Variants in ADGRG6 observed in about 807,000 individuals in gnomAD.
The protein encoded by ADGRG6 is adhesion G protein-coupled receptor G6.
ADGRG6 carries 84 observed loss-of-function variants against 142.4 expected under a neutral mutation model. The ratio of observed to expected loss-of-function variants is 0.59; its 90% CI spans 0.49 to 0.71. The LOEUF is 0.71. ADGRG6 is among the 30% of genes least tolerant of loss of function. The pLI is 0.00. For missense variants in ADGRG6, 1,367 were observed against 1,466.6 expected (o/e 0.93, Z 1.11); for synonymous variants, 521 against 520.5 (o/e 1.00, Z -0.01).
rs531052289 is a variant in ADGRG6, at chr6:142,354,384, AAAAC to A, written c.104-13165_104-13162del. Among the ~76,000 whole-genome samples the A allele has an allele frequency of 4.5e-4, 69 of 152,276 alleles. No homozygotes were observed. The South Asian group carries it at 5.0e-3, about 11-fold the overall frequency. ...GGTGACAGAGCGAGTCTCTATCTCA[AAAAC>A]AAACAAACAAACAAACAAAAAAACT... On this transcript the variant is annotated intron_variant, in intron 2 of 24. Transcript: ENST00000367609.
intron 7 of ADGRG6, among the ~76,000 whole-genome samples, chr6:142,391,476 CACAG>C (rs1231529125): frequency 1.4e-5 from 2 of 145,914 alleles, no homozygotes; most frequent in Non-Finnish European, 3.0e-5. Context: ...CACACACACA[CACAG>C]AGACATCTAT....
intron 22 of ADGRG6, among the ~76,000 whole-genome samples, chr6:142,422,756 G>T (rs1445106751): frequency 4.1e-3 from 601 of 148,218 alleles, no homozygotes; most frequent in African/African-American, 0.014. Flanking sequence ...TTCCACAGTG[G>T]TTGAACTAGT....
rs1426307136 is a variant in ADGRG6 at position 142,395,381 on chromosome 6, A to C, written c.1424+1423A>C. Among the ~76,000 whole-genome samples, 5 of 152,238 alleles carry C rather than the reference A, an allele frequency of 3.3e-5. No homozygotes were observed. The East Asian group carries it at 9.6e-4, about 29-fold the overall frequency. On this transcript the variant is annotated intron_variant, in intron 9 of 24. Transcript: ENST00000367609. The stretch of plus-strand genomic sequence containing the variant: ...AGCAATCAGGATCCCTTTGCTGGAC[A>C]CTTTGTGTAGCAACTGGGACAGCCC...
chr6:142,381,560 G>A (rs1255151449), intron 4 of ADGRG6, among the ~76,000 whole-genome samples: 4 of 152,124 alleles, frequency 2.6e-5, no homozygotes, highest in Admixed American at 6.5e-5. Flanking sequence ...CCAAAACTGC[G>A]TTTTATGGGT....
At chr6:142,331,309 A>G (rs889833903) in intron 2 of ADGRG6, among the ~76,000 whole-genome samples, 3 of 151,814 alleles carry the variant, frequency 2.0e-5, no homozygotes, top group African/African-American at 7.3e-5. Flanking sequence ...TAAAGTGTAT[A>G]GTTCAAAGAA....
intron 2 of ADGRG6, among the ~76,000 whole-genome samples, chr6:142,329,600 C>T (rs1301334312): frequency 6.6e-6 from 1 of 152,004 alleles, no homozygotes; most frequent in East Asian, 1.9e-4. Context: ...ACTAGCATTT[C>T]CCCCTTCCCT....
At chr6:142,410,034 T>A (rs937876458) in intron 17 of ADGRG6, 115 bp downstream of exon 17, 2 of 445,146 alleles carry the variant, frequency 4.5e-6, no homozygotes, top group African/African-American at 2.0e-5. Context: ...ACAATGTAAG[T>A]GTAAATGGCA....
At chr6:142,441,482 A>G (rs1259091924) in intron 24 of ADGRG6, among the ~76,000 whole-genome samples, 1 of 152,178 alleles carries the variant, frequency 6.6e-6, no homozygotes, top group Admixed American at 6.6e-5. Context: ...ATTACCCATA[A>G]TGTAATATCT....
chr6:142,405,640 C>G (rs770474363), intron 14 of ADGRG6, 48 bp from the exon 15 acceptor site: 36 of 1,465,676 alleles, frequency 2.5e-5, no homozygotes, highest in Non-Finnish European at 3.4e-5. Flanking sequence ...AAAGTTATTA[C>G]CATTCAATTA....
At chr6:142,395,076 T>C (rs1444922444) in intron 9 of ADGRG6, among the ~76,000 whole-genome samples, 1 of 152,160 alleles carries the variant, frequency 6.6e-6, no homozygotes, top group African/African-American at 2.4e-5. Context: ...CAGAGAGCTT[T>C]TTTTTTCTTT....
Position 142,411,417 on chromosome 6 carries a change from G to A in ADGRG6, c.2541+6G>A, listed in dbSNP as rs914627690. The A allele has an allele frequency of 3.5e-6, 5 of 1,423,992 alleles. No individual in the cohort carries two copies. Among genetic ancestry groups the A allele is most frequent in the Non-Finnish European group, 4.0e-6 (4 of 1,006,830 alleles). The allele number at this position is 1,423,992 out of a possible 1,614,324, so 88.2% of individuals were successfully genotyped here. A position where few individuals can be genotyped will look rare whatever the true frequency, so the allele number is the denominator to read the frequency against. ...CACACTTTGGAGTTCTGATGGTAAGGGGGGAATTTCTAAGCTCATTTTGAC... is the reference window on the plus strand; with the variant it reads ...CACACTTTGGAGTTCTGATGGTAAGAGGGGAATTTCTAAGCTCATTTTGAC... On this transcript the variant is annotated splice_donor_region_variant and intron_variant, in intron 18 of 24. Coordinates refer to ENST00000367609, the MANE Select transcript of ADGRG6 (RefSeq NM_198569.3).
intron 4 of ADGRG6, among the ~76,000 whole-genome samples, chr6:142,379,015 C>G (rs1418120959): frequency 6.6e-6 from 1 of 152,262 alleles, no homozygotes; most frequent in South Asian, 2.1e-4. Context: ...CTCCAGTGAT[C>G]CCAAACACTC....
intron 2 of ADGRG6, among the ~76,000 whole-genome samples, chr6:142,350,197 A>G (rs1780100050): frequency 6.6e-6 from 1 of 152,260 alleles, no homozygotes; most frequent in Non-Finnish European, 1.5e-5. Context: ...AGTTTGAGAC[A>G]TCTTAGGCAC....
At chr6:142,358,595 A>C (rs1780563997) in intron 2 of ADGRG6, among the ~76,000 whole-genome samples, 1 of 152,190 alleles carries the variant, frequency 6.6e-6, no homozygotes, top group East Asian at 1.9e-4. Context: ...TGTTTATATA[A>C]AAAGGAGCAA....
In ADGRG6 at chr6:142,421,737, GT is replaced by G. The variant is rs1023688154; in HGVS notation, c.3319+1634del. Among the ~76,000 whole-genome samples the G allele has an allele frequency of 1.0e-3, 157 of 152,244 alleles. 1 individual carries two copies. Among genetic ancestry groups the G allele is most frequent in the African/African-American group, 3.7e-3 (153 of 41,558 alleles). On this transcript the variant is annotated intron_variant, in intron 22 of 24. Coordinates refer to ENST00000367609, the MANE Select transcript of ADGRG6 (RefSeq NM_198569.3). ...GGATGTTTTATTTTTCCCAGCATGG[GT>G]CCCCTGTCAGGAGGGAAAAATGTTG...
At chr6:142,411,550 T>C in intron 18 of ADGRG6, 139 bp downstream of exon 18, 4 of 566,420 alleles carry the variant, frequency 7.1e-6, no homozygotes, top group Non-Finnish European at 1.3e-5. Flanking sequence ...TCTTAATTCT[T>C]AATAAAGAAT....
intron 2 of ADGRG6, among the ~76,000 whole-genome samples, chr6:142,359,796 A>T (rs1455759123): frequency 6.6e-6 from 1 of 152,188 alleles, no homozygotes; most frequent in Non-Finnish European, 1.5e-5. Context: ...AGATGAGAAG[A>T]GACAGGAAGT....
At chr6:142,397,470 G>C (rs1775259608) in intron 9 of ADGRG6, 143 bp from the exon 10 acceptor site, 1 of 609,230 alleles carries the variant, frequency 1.6e-6, no homozygotes, top group Non-Finnish European at 2.9e-6. Context: ...CAGCAGCAGA[G>C]AAAGTCTGTG....
intron 12 of ADGRG6, 53 bp from the exon 13 acceptor site, chr6:142,402,567 G>A: frequency 2.2e-6 from 2 of 911,422 alleles, no homozygotes; most frequent in Admixed American, 4.5e-5. Context: ...TCCTGGAAAT[G>A]CTCTAAATAT....
Sources: gnomAD v4.1 joint callset for allele counts (sites outside exome capture counted in the v4.1 genomes callset) on GRCh38, gnomAD v4.1.1 for gene constraint, MANE v1.5 for transcripts, NCBI Gene and HGNC (gene_info 2026-07-23, HGNC 2026-07-21) for gene names.